The following MYOM2 variants were observed in gnomAD, a reference collection of about 807,000 sequenced individuals.
MYOM2 encodes myomesin-2.
Under a neutral mutation model 187.6 loss-of-function variants are expected in MYOM2, and 254 were observed. The ratio of observed to expected loss-of-function variants is 1.35; its 90% CI spans 1.22 to 1.50. MYOM2 has a LOEUF of 1.50. MYOM2 is among the 40% of genes most tolerant of loss of function. The pLI, the probability that MYOM2 is intolerant of heterozygous loss-of-function variation, is 0.00. For missense variants in MYOM2, 2,796 were observed against 1,924.0 expected (o/e 1.45, Z -8.48); for synonymous variants, 981 against 753.8 (o/e 1.30, Z -4.94).
chr8:2,096,975 C>T (rs1038872246), intron 18 of MYOM2: 4 of 248,992 alleles, frequency 1.6e-5, no homozygotes, highest in African/African-American at 2.3e-5. Context: ...CAGATCCAGA[C>T]ACCCCCTTGG....
At chr8:2,047,108 T>A (rs1818335162) in intron 1 of MYOM2, among the ~76,000 whole-genome samples, 1 of 152,184 alleles carries the variant, frequency 6.6e-6, no homozygotes. Flanking sequence ...AATTGGAAAC[T>A]CTTCTGGTCC....
chr8:2,125,060 T>A (rs977824273), intron 31 of MYOM2, among the ~76,000 whole-genome samples: 2 of 152,178 alleles, frequency 1.3e-5, no homozygotes, highest in African/African-American at 4.8e-5. Flanking sequence ...GTCAATTGTT[T>A]TCTTTACTGT....
intron 14 of MYOM2, among the ~76,000 whole-genome samples, chr8:2,088,143 C>G (rs1391173690): frequency 6.6e-6 from 1 of 151,966 alleles, no homozygotes; most frequent in African/African-American, 2.4e-5. Context: ...GATTTTGGTG[C>G]ATCCATCACC....
At chr8:2,129,793 C>T (rs1372007267) in intron 32 of MYOM2, among the ~76,000 whole-genome samples, 1 of 152,166 alleles carries the variant, frequency 6.6e-6, no homozygotes, top group African/African-American at 2.4e-5. Context: ...TGCTGCCCTG[C>T]CTCTGGGTTC....
At chr8:2,132,431 T>C (rs75739426) in intron 32 of MYOM2, among the ~76,000 whole-genome samples, 21,158 of 152,132 alleles carry the variant, frequency 0.14, 2,582 homozygotes, top group African/African-American at 0.31. Flanking sequence ...AGGAATTCAG[T>C]AAAAATGTTC....
chr8:2,110,606 C>T (rs1345723164), intron 25 of MYOM2, among the ~76,000 whole-genome samples: 1 of 152,058 alleles, frequency 6.6e-6, no homozygotes, highest in Non-Finnish European at 1.5e-5. Flanking sequence ...CTGCCTTTTT[C>T]CCTTAATGCC....
intron 21 of MYOM2, among the ~76,000 whole-genome samples, chr8:2,103,902 A>C (rs1382822119): frequency 6.6e-6 from 1 of 152,104 alleles, no homozygotes; most frequent in Non-Finnish European, 1.5e-5. Flanking sequence ...TGCATGTGTT[A>C]TGTGTGCATG....
At chr8:2,126,981 G>A (rs1192042348) in intron 31 of MYOM2, among the ~76,000 whole-genome samples, 5 of 150,316 alleles carry the variant, frequency 3.3e-5, no homozygotes, top group South Asian at 2.1e-4. Flanking sequence ...AGAGGCTGAC[G>A]GAGGCTGGGG....
chr8:2,075,144 C>T (rs941294924), intron 10 of MYOM2, among the ~76,000 whole-genome samples: 3 of 152,182 alleles, frequency 2.0e-5, no homozygotes, highest in African/African-American at 7.2e-5. Flanking sequence ...GTCAACCAAA[C>T]GTATCTCACC....
chr8:2,124,570 C>G (rs530091165), intron 31 of MYOM2, among the ~76,000 whole-genome samples: 1 of 152,230 alleles, frequency 6.6e-6, no homozygotes, highest in Admixed American at 6.5e-5. Context: ...AAACCTCTCA[C>G]TTTGCGTCGT....
Position 2,116,255 on chromosome 8 carries a change from A to G in MYOM2, c.3365A>G (p.Lys1122Arg). 1 of 1,613,018 alleles carries G rather than the reference A, an allele frequency of 6.2e-7. No individual in the cohort carries two copies. The highest frequency in any genetic ancestry group is 1.1e-5 in the South Asian group (1 of 90,766). Residue 1122 changes from lysine (K) to arginine (R), a missense_variant, in exon 27 of 37, where the codon AAA becomes AGA. By Grantham distance (26) the Lys-to-Arg change is conservative. Coordinates refer to ENST00000262113, the MANE Select transcript of MYOM2 (RefSeq NM_003970.4). ...TVLEEAEFQRKEFLRKQGPHF... is the reference protein window; with the variant it reads ...TVLEEAEFQRREFLRKQGPHF... The stretch of plus-strand genomic sequence containing the variant: ...CTGGAAGAGGCTGAGTTTCAAAGGA[A>G]AGAATTTCTCAGGAAACAAGGTGAG...
chr8:2,103,369 GATAA>G (rs1476704749), intron 21 of MYOM2, among the ~76,000 whole-genome samples: 1 of 151,196 alleles, frequency 6.6e-6, no homozygotes, highest in African/African-American at 2.4e-5. Context: ...TGGGTGTATG[GATAA>G]ATGAGTGGGA....
chr8:2,099,521 G>GA (rs1796612070), intron 19 of MYOM2, among the ~76,000 whole-genome samples: 1 of 152,178 alleles, frequency 6.6e-6, no homozygotes, highest in African/African-American at 2.4e-5. Context: ...GCCATCTGGG[G>GA]ATCTCGGGGC....
chr8:2,067,357 G>A (rs1679100024), intron 6 of MYOM2, among the ~76,000 whole-genome samples: 1 of 152,168 alleles, frequency 6.6e-6, no homozygotes, highest in Admixed American at 6.5e-5. Flanking sequence ...TTAAGATTCT[G>A]CTCAGGTGTC....
rs1270765646 is a variant in MYOM2 at position 2,108,772 on chromosome 8, T to C, written c.2999-14T>C. On this transcript the variant is annotated splice_polypyrimidine_tract_variant and intron_variant, in intron 23 of 36. Coordinates refer to ENST00000262113, the MANE Select transcript of MYOM2 (RefSeq NM_003970.4). ...CAGGTCCAGATGAATTGAAATACTT[T>C]TTCTTCGTTTTAGAGCTCGAGCGTT... 2 of 1,613,936 alleles carry C rather than the reference T, an allele frequency of 1.2e-6. No homozygotes were observed. Among genetic ancestry groups the C allele is most frequent in the South Asian group, 1.1e-5 (1 of 91,024 alleles).
At chr8:2,142,441 G>T (rs1199490427) in intron 35 of MYOM2, 44 bp downstream of exon 35, 1 of 1,604,634 alleles carries the variant, frequency 6.2e-7, no homozygotes, top group East Asian at 2.2e-5. Flanking sequence ...AATTATTTGG[G>T]GTGGGGCAAA....
chr8:2,096,389 C>G lies in MYOM2; in HGVS notation c.2268C>G (p.Asn756Lys), dbSNP rs780446592. 6.2e-7 allele frequency: 1 copy of G among 1,614,240 alleles called. No homozygotes were observed. Among genetic ancestry groups the G allele is most frequent in the Admixed American group, 1.7e-5 (1 of 60,032 alleles). The change falls in exon 18 of 37, where the codon AAC (asparagine) becomes AAG (lysine). Residue 756 changes from asparagine (N) to lysine (K), a missense_variant. Transcript: ENST00000262113. The part of the protein sequence containing the change: ...YLDKREVHHK[N>K]WHEVNSSPSK... ...ACAAGCGTGAAGTTCACCATAAAAA[C>G]TGGCACGAGGTCAATTCCTCACCCA...
Position 2,078,762 on chromosome 8 carries a change from C to A in MYOM2, c.1291C>A (p.Gln431Lys), listed in dbSNP as rs187189252. ...TGAAGTAGGAACGAATAATTGGGTGCAGTGCAATGATGCACCGGTGAAAAT... is the reference window on the plus strand; with the variant it reads ...TGAAGTAGGAACGAATAATTGGGTGAAGTGCAATGATGCACCGGTGAAAAT... ...RCEVGTNNWVQCNDAPVKICK... is the reference protein window; with the variant it reads ...RCEVGTNNWVKCNDAPVKICK... Residue 431 changes from glutamine (Q) to lysine (K), a missense_variant, in exon 12 of 37, where the codon CAG becomes AAG. Transcript: ENST00000262113. 1 of 1,614,122 alleles carries A rather than the reference C, an allele frequency of 6.2e-7. No individual in the cohort carries two copies. The highest frequency in any genetic ancestry group is 1.3e-5 in the African/African-American group (1 of 75,018).
At chr8:2,098,796 C>T in intron 18 of MYOM2, 61 bp from the exon 19 acceptor site, 2 of 1,505,820 alleles carry the variant, frequency 1.3e-6, no homozygotes, top group Non-Finnish European at 1.8e-6. Flanking sequence ...CAACTCCTCC[C>T]CCTCAGTGGG....
Sources: allele counts gnomAD v4.1 joint callset (sites outside exome capture counted in the v4.1 genomes callset), GRCh38; gene constraint gnomAD v4.1.1; transcripts MANE v1.5; gene names NCBI Gene and HGNC (gene_info 2026-07-23, HGNC 2026-07-21).